The following CUX1 variants were observed in gnomAD, a reference collection of about 807,000 sequenced individuals.
The protein encoded by CUX1 is cut like homeobox 1, also known as protein CASP.
In CUX1, 31 loss-of-function variants were observed where a neutral mutation model predicts 158.8. That is an observed-to-expected ratio of 0.20 (90% CI 0.15 to 0.26). The LOEUF is 0.26. CUX1 is among the 10% of genes least tolerant of loss of function. The probability of loss-of-function intolerance (pLI) is 1.00; values close to 1 mark genes in which losing one functional copy is unlikely to be tolerated. For missense variants in CUX1, 1,589 were observed against 2,014.6 expected, an observed-to-expected ratio of 0.79 and a Z score of 4.04; for synonymous variants, 879 against 862.1, an observed-to-expected ratio of 1.02 and a Z score of -0.34.
rs528021395 is a variant in CUX1, at chr7:102,167,470, G to A, written c.724-2976G>A. On this transcript the variant is annotated intron_variant, in intron 9 of 23. Coordinates refer to ENST00000292535, the MANE Select transcript of CUX1 (RefSeq NM_181552.4). ...GATGCCCGGGACTTCCCCAGCGCTG[G>A]CCGTTCCAGAACACTTCAGAGCCAG... Among the ~76,000 whole-genome samples, 17 of 152,238 alleles carry A rather than the reference G, an allele frequency of 1.1e-4. No individual in the cohort carries two copies. In the East Asian group the frequency reaches 3.1e-3, roughly 28 times the overall value.
At chr7:102,085,579 A>G (rs1485272362) in intron 4 of CUX1, among the ~76,000 whole-genome samples, 1 of 152,186 alleles carries the variant, frequency 6.6e-6, no homozygotes, top group African/African-American at 2.4e-5. Flanking sequence ...CCCTTCTGCC[A>G]TGACTGTAAG....
At chr7:102,103,234 C>T (rs890114717) in intron 5 of CUX1, among the ~76,000 whole-genome samples, 1 of 152,188 alleles carries the variant, frequency 6.6e-6, no homozygotes. Flanking sequence ...TGCACACAGC[C>T]CATGACCACC....
intron 1 of CUX1, among the ~76,000 whole-genome samples, chr7:101,893,744 T>C (rs1007976059): frequency 6.6e-6 from 1 of 152,236 alleles, no homozygotes; most frequent in Non-Finnish European, 1.5e-5. Flanking sequence ...TTGAAAAGAT[T>C]GTCAGCACTA....
intron 3 of CUX1, among the ~76,000 whole-genome samples, chr7:102,054,839 C>T (rs1334685488): frequency 1.3e-5 from 2 of 151,982 alleles, no homozygotes; most frequent in Non-Finnish European, 2.9e-5. Context: ...AGCATGGTGG[C>T]GCGTTCCTGT....
chr7:102,121,654 A>T (rs1488757966), intron 8 of CUX1, among the ~76,000 whole-genome samples: 1 of 152,092 alleles, frequency 6.6e-6, no homozygotes, highest in Non-Finnish European at 1.5e-5. Context: ...TACTTTGTTT[A>T]CATACTGTTC....
At chr7:102,233,791 AAATAAT>A (rs1563458836) in intron 21 of CUX1, among the ~76,000 whole-genome samples, 5 of 152,296 alleles carry the variant, frequency 3.3e-5, no homozygotes, top group South Asian at 4.1e-4. Flanking sequence ...CATCTCAAAA[AAATAAT>A]AATAATAAAG....
At position 101,877,756 on chromosome 7, in the gene CUX1, TTGTGTGTGTGTGTGTG is replaced by T. The variant is rs112494807; in HGVS notation, c.31-38327_31-38312del. ...AATCAGTACATTAAAATCCCTCCAATTGTGTGTGTGTGTGTGTGTGTGTGTGTGTGTGTGTGTGTGT... is the reference window on the plus strand; with the variant it reads ...AATCAGTACATTAAAATCCCTCCAATTGTGTGTGTGTGTGTGTGTGTGTGT... On this transcript the variant is annotated intron_variant, in intron 1 of 23. Transcript: ENST00000292535. Among the ~76,000 whole-genome samples the T allele has an allele frequency of 3.2e-3, 479 of 148,920 alleles. 6 individuals carry two copies. Among genetic ancestry groups the T allele is most frequent in the African/African-American group, 5.9e-3 (240 of 40,408 alleles).
At chr7:101,933,969 T>C (rs916543673) in intron 2 of CUX1, among the ~76,000 whole-genome samples, 4 of 152,246 alleles carry the variant, frequency 2.6e-5, no homozygotes, top group Non-Finnish European at 4.4e-5. Flanking sequence ...GGAAAGACCA[T>C]GTATGGCGTG....
At chr7:102,008,713 A>AGCT (rs2129290810) in intron 2 of CUX1, among the ~76,000 whole-genome samples, 1 of 151,266 alleles carries the variant, frequency 6.6e-6, no homozygotes, top group East Asian at 2.0e-4. Context: ...GACCTTGACT[A>AGCT]GGACAGGACA....
At chr7:101,970,710 C>T (rs1811847873) in intron 2 of CUX1, among the ~76,000 whole-genome samples, 1 of 152,074 alleles carries the variant, frequency 6.6e-6, no homozygotes, top group Non-Finnish European at 1.5e-5. Flanking sequence ...CGCGTACGAC[C>T]ATACCCGGCT....
chr7:102,003,770 A>G (rs1326676457), intron 2 of CUX1, among the ~76,000 whole-genome samples: 1 of 152,214 alleles, frequency 6.6e-6, no homozygotes, highest in Non-Finnish European at 1.5e-5. Context: ...TGGAACTTAC[A>G]TTGCAACCCC....
chr7:102,158,032 C>T (rs1554505820), intron 8 of CUX1, among the ~76,000 whole-genome samples: 1 of 152,126 alleles, frequency 6.6e-6, no homozygotes. Flanking sequence ...TCCAGTTGGC[C>T]ACCTTCTCCT....
At chr7:101,923,913 G>A (rs1805274515) in intron 2 of CUX1, among the ~76,000 whole-genome samples, 1 of 152,188 alleles carries the variant, frequency 6.6e-6, no homozygotes, top group African/African-American at 2.4e-5. Flanking sequence ...TTCTACGCCG[G>A]CCTGGCGCAT....
intron 5 of CUX1, among the ~76,000 whole-genome samples, chr7:102,098,583 C>T (rs540970628): frequency 2.6e-5 from 4 of 152,042 alleles, no homozygotes; most frequent in African/African-American, 9.6e-5. Context: ...TGCACTCAGT[C>T]TGAGTGACAG....
chr7:102,278,853 G>A (rs1035622283), intron 18 of CUX1, among the ~76,000 whole-genome samples: 96 of 149,420 alleles, frequency 6.4e-4, no homozygotes, highest in Admixed American at 2.2e-3. Context: ...CAGCCTGGCC[G>A]ACATAGTGAA....
At chr7:102,018,114 GC>G (rs1818876964) in intron 2 of CUX1, among the ~76,000 whole-genome samples, 1 of 152,008 alleles carries the variant, frequency 6.6e-6, no homozygotes, top group Non-Finnish European at 1.5e-5. Context: ...TTGCCACCAT[GC>G]CTGGGTAATT....
rs572439032 is a variant in CUX1, at chr7:101,911,958, A to T, written c.31-4157A>T. 7.2e-5 allele frequency among the ~76,000 whole-genome samples: 11 copies of T among 152,314 alleles called. 1 individual carries two copies. In the South Asian group the frequency reaches 2.3e-3, roughly 32 times the overall value. ...CTGCGTTCTGGTGCCTCTCCTTGCC[A>T]GACATTTTCTCAGTAAAGTTTCTGT... On this transcript the variant is annotated intron_variant, in intron 1 of 23. Coordinates refer to ENST00000292535, the MANE Select transcript of CUX1 (RefSeq NM_181552.4).
At chr7:102,139,327 T>C (rs1365919759) in intron 8 of CUX1, among the ~76,000 whole-genome samples, 6 of 149,812 alleles carry the variant, frequency 4.0e-5, no homozygotes, top group African/African-American at 1.5e-4. Context: ...GGAAGTGCCC[T>C]ACCCTGGCAT....
chr7:101,948,807 T>G (rs1808698803), intron 2 of CUX1, among the ~76,000 whole-genome samples: 1 of 152,218 alleles, frequency 6.6e-6, no homozygotes, highest in South Asian at 2.1e-4. Flanking sequence ...GTCCCTGAGC[T>G]TGGGACTGGC....
Sources: gnomAD v4.1 joint callset for allele counts (sites outside exome capture counted in the v4.1 genomes callset) on GRCh38, gnomAD v4.1.1 for gene constraint, MANE v1.5 for transcripts, NCBI Gene and HGNC (gene_info 2026-07-23, HGNC 2026-07-21) for gene names.